Variants in CSMD1 observed in about 807,000 individuals in gnomAD.
CSMD1 encodes the protein CUB and Sushi multiple domains 1.
In CSMD1, 213 loss-of-function variants were observed where a neutral mutation model predicts 417.5. That is an observed-to-expected ratio of 0.51 (90% CI 0.46 to 0.57). CSMD1 has a LOEUF of 0.57. Ranked by LOEUF, CSMD1 falls within the 20% of genes least tolerant of loss-of-function variation. CSMD1 has a pLI of 0.00. For synonymous variants in CSMD1, 2,862 were observed against 1,736.8 expected (o/e 1.65, Z -16.11); for missense variants, 6,923 against 4,529.7 (o/e 1.53, Z -15.17).
Position 3,745,313 on chromosome 8 carries a change from C to G in CSMD1, c.931+8617G>C, listed in dbSNP as rs115027402. On this transcript the variant is annotated intron_variant, in intron 6 of 69. Coordinates refer to ENST00000635120, the MANE Select transcript of CSMD1 (RefSeq NM_033225.6). ...GGAAAGAACATGATGGTCAGCTCTG[C>G]AAGAACCTGGTTGGAATCTCATGAG... Among the ~76,000 whole-genome samples the G allele has an allele frequency of 3.1e-3, 468 of 152,296 alleles. 4 individuals are homozygous for G. The highest frequency in any genetic ancestry group is 0.011 in the African/African-American group (445 of 41,560).
At chr8:4,252,438 G>C (rs1474322423) in intron 3 of CSMD1, among the ~76,000 whole-genome samples, 2 of 152,172 alleles carry the variant, frequency 1.3e-5, no homozygotes, top group South Asian at 4.1e-4. Context: ...ATAAACTCGA[G>C]GGGACCTGAA....
At chr8:4,901,552 A>C (rs1018354620) in intron 1 of CSMD1, among the ~76,000 whole-genome samples, 1 of 151,754 alleles carries the variant, frequency 6.6e-6, no homozygotes, top group African/African-American at 2.4e-5. Flanking sequence ...TCCCCACCAA[A>C]AAAGTGAAAG....
At chr8:4,229,609 C>A (rs962074762) in intron 3 of CSMD1, among the ~76,000 whole-genome samples, 1 of 152,164 alleles carries the variant, frequency 6.6e-6, no homozygotes, top group Admixed American at 6.5e-5. Context: ...GGCTCTTCCC[C>A]AGATGCCCTC....
chr8:4,366,342 G>T (rs991627862), intron 3 of CSMD1, among the ~76,000 whole-genome samples: 1 of 151,756 alleles, frequency 6.6e-6, no homozygotes, highest in Non-Finnish European at 1.5e-5. Flanking sequence ...GGTGAACATC[G>T]TGGCTGATTC....
chr8:4,463,473 A>G (rs1182819390), intron 2 of CSMD1, among the ~76,000 whole-genome samples: 4 of 151,786 alleles, frequency 2.6e-5, no homozygotes, highest in African/African-American at 4.9e-5. Context: ...TGGTTATAGC[A>G]GAGTTATTCA....
chr8:4,826,354 C>G (rs1799826024), intron 1 of CSMD1, among the ~76,000 whole-genome samples: 1 of 151,990 alleles, frequency 6.6e-6, no homozygotes. Context: ...ATAATTACAG[C>G]TTTTTCCACT....
At chr8:3,493,586 A>C in intron 11 of CSMD1, 37 bp downstream of exon 11, 2 of 1,542,046 alleles carry the variant, frequency 1.3e-6, no homozygotes, top group Non-Finnish European at 1.8e-6. Flanking sequence ...CCCGCACTGC[A>C]TGCATAAGAG....
intron 3 of CSMD1, among the ~76,000 whole-genome samples, chr8:4,347,636 T>C (rs1800848368): frequency 6.6e-6 from 1 of 152,294 alleles, no homozygotes; most frequent in East Asian, 1.9e-4. Context: ...GCAAAAGCAA[T>C]GAAAGGAGGA....
chr8:4,974,830 T>C (rs1810453890), intron 1 of CSMD1, among the ~76,000 whole-genome samples: 1 of 152,172 alleles, frequency 6.6e-6, no homozygotes, highest in Non-Finnish European at 1.5e-5. Flanking sequence ...TGTCTCCCAA[T>C]GATGATGTAT....
At chr8:4,979,134 C>G (rs76991512) in intron 1 of CSMD1, among the ~76,000 whole-genome samples, 1,934 of 152,228 alleles carry the variant, frequency 0.013, 31 homozygotes, top group South Asian at 0.073. Context: ...TACTGAGTCT[C>G]TAATTGTATT....
chr8:3,841,203 T>C (rs1803110843), intron 5 of CSMD1, among the ~76,000 whole-genome samples: 1 of 152,176 alleles, frequency 6.6e-6, no homozygotes, highest in African/African-American at 2.4e-5. Context: ...AGGAATTCCA[T>C]ACAATTTCAA....
Position 4,849,389 on chromosome 8 carries a change from G to A in CSMD1, c.85+144943C>T, listed in dbSNP as rs542291562. 2.6e-5 allele frequency among the ~76,000 whole-genome samples: 4 copies of A among 151,706 alleles called. No individual in the cohort carries two copies. In the East Asian group the frequency reaches 5.8e-4, roughly 22 times the overall value. ...AGTTAATTTTTTTCTTTATTCAATA[G>A]AATAAAGAAAAAAATACTTTTTGTA... On this transcript the variant is annotated intron_variant, in intron 1 of 69. Coordinates refer to ENST00000635120, the MANE Select transcript of CSMD1 (RefSeq NM_033225.6).
At chr8:3,341,391 T>G (rs1198858270) in intron 23 of CSMD1, among the ~76,000 whole-genome samples, 1 of 152,184 alleles carries the variant, frequency 6.6e-6, no homozygotes. Flanking sequence ...CTGGATACTT[T>G]TTGCATCACC....
chr8:3,477,910 G>T (rs112803954), intron 11 of CSMD1, among the ~76,000 whole-genome samples: 1 of 152,164 alleles, frequency 6.6e-6, no homozygotes, highest in African/African-American at 2.4e-5. Flanking sequence ...GTGGAAAAGA[G>T]CAGGAATCTG....
At chr8:4,491,833 C>A (rs1308350407) in intron 2 of CSMD1, among the ~76,000 whole-genome samples, 1 of 152,166 alleles carries the variant, frequency 6.6e-6, no homozygotes, top group Non-Finnish European at 1.5e-5. Flanking sequence ...AAGCTAAACA[C>A]AGTCTTACTG....
At chr8:4,158,916 T>C (rs570702749) in intron 3 of CSMD1, among the ~76,000 whole-genome samples, 2 of 152,338 alleles carry the variant, frequency 1.3e-5, no homozygotes, top group East Asian at 1.9e-4. Flanking sequence ...TATCTTTCTA[T>C]AATTATTATT....
intron 21 of CSMD1, among the ~76,000 whole-genome samples, chr8:3,354,278 A>G (rs944636791): frequency 2.0e-5 from 3 of 152,194 alleles, no homozygotes; most frequent in African/African-American, 7.2e-5. Flanking sequence ...TTTAACAGAG[A>G]TGTTTCTTAA....
intron 1 of CSMD1, among the ~76,000 whole-genome samples, chr8:4,961,470 C>T (rs1035662638): frequency 2.6e-5 from 4 of 152,106 alleles, no homozygotes; most frequent in African/African-American, 9.7e-5. Context: ...TACAGTGAAA[C>T]ATATTCTCCA....
chr8:3,686,131 C>G (rs74398744), intron 7 of CSMD1, among the ~76,000 whole-genome samples: 1 of 151,614 alleles, frequency 6.6e-6, no homozygotes, highest in Non-Finnish European at 1.5e-5. Flanking sequence ...GAAAAAAAAA[C>G]TGTCTATGGG....
Sources: gnomAD v4.1 joint callset for allele counts (sites outside exome capture counted in the v4.1 genomes callset) on GRCh38, gnomAD v4.1.1 for gene constraint, MANE v1.5 for transcripts, NCBI Gene and HGNC (gene_info 2026-07-23, HGNC 2026-07-21) for gene names.